Variants in DLG2 observed in about 807,000 individuals in gnomAD.
The protein encoded by DLG2 is discs large MAGUK scaffold protein 2, also known as disks large homolog 2.
Under a neutral mutation model 132.5 loss-of-function variants are expected in DLG2, and 45 were observed. The ratio of observed to expected loss-of-function variants is 0.34; its 90% CI spans 0.27 to 0.44. The LOEUF is 0.44. Ranked by LOEUF, DLG2 falls within the 20% of genes least tolerant of loss-of-function variation. DLG2 has a pLI of 1.00. For synonymous variants in DLG2, 424 were observed against 419.6 expected (o/e 1.01, Z -0.13); for missense variants, 1,045 against 1,196.9 (o/e 0.87, Z 1.87).
At chr11:84,098,867 T>C in intron 10 of DLG2, 56 bp downstream of exon 10, 1 of 1,580,552 alleles carries the variant, frequency 6.3e-7, no homozygotes, top group Non-Finnish European at 8.6e-7. Context: ...TACAAATGTG[T>C]CTCATTGATG....
intron 9 of DLG2, among the ~76,000 whole-genome samples, chr11:84,145,296 T>C (rs73515774): frequency 0.032 from 4,943 of 152,298 alleles, 235 homozygotes; most frequent in African/African-American, 0.11. Flanking sequence ...ATTTCATCAT[T>C]ATGTGAACAC....
intron 6 of DLG2, among the ~76,000 whole-genome samples, chr11:84,611,641 G>C (rs911879818): frequency 6.6e-6 from 1 of 152,048 alleles, no homozygotes; most frequent in Non-Finnish European, 1.5e-5. Flanking sequence ...TTTTTAAATA[G>C]CTGGTAAGTC....
intron 6 of DLG2, among the ~76,000 whole-genome samples, chr11:84,551,188 T>G (rs1422200732): frequency 6.6e-6 from 1 of 152,220 alleles, no homozygotes; most frequent in Non-Finnish European, 1.5e-5. Context: ...TTAATAAAAA[T>G]ATTAATGTTT....
chr11:85,473,360 G>C (rs1302184074), intron 3 of DLG2, among the ~76,000 whole-genome samples: 1 of 152,176 alleles, frequency 6.6e-6, no homozygotes, highest in African/African-American at 2.4e-5. Flanking sequence ...ATCAGTTCTG[G>C]ACTTTTGCCC....
chr11:84,923,059 C>A, intron 6 of DLG2: 1 of 1,613,842 alleles, frequency 6.2e-7, no homozygotes, highest in Non-Finnish European at 8.5e-7. Context: ...GCCCAGTTGC[C>A]GGCTCGCCTC....
intron 2 of DLG2, among the ~76,000 whole-genome samples, chr11:85,621,200 T>C (rs749192468): frequency 5.3e-5 from 8 of 149,814 alleles, no homozygotes; most frequent in Admixed American, 2.0e-4. Context: ...AAGCTCACTG[T>C]TGAGAACTAC....
chr11:84,053,798 C>A (rs1296117780), intron 11 of DLG2, among the ~76,000 whole-genome samples: 1 of 151,900 alleles, frequency 6.6e-6, no homozygotes, highest in East Asian at 1.9e-4. Context: ...TATAAGTGTT[C>A]ATTGGTATAG....
intron 7 of DLG2, among the ~76,000 whole-genome samples, chr11:84,306,609 A>G (rs2098221804): frequency 6.6e-6 from 1 of 152,244 alleles, no homozygotes; most frequent in Non-Finnish European, 1.5e-5. Flanking sequence ...TTAGATAATA[A>G]TAAACTTTTT....
chr11:84,528,376 C>T (rs957226502), intron 7 of DLG2, among the ~76,000 whole-genome samples: 3 of 152,192 alleles, frequency 2.0e-5, no homozygotes, highest in African/African-American at 4.8e-5. Flanking sequence ...AAAGCCCATC[C>T]TATCACTTAG....
At chr11:84,932,036 A>G (rs927401679) in intron 6 of DLG2, among the ~76,000 whole-genome samples, 16 of 152,080 alleles carry the variant, frequency 1.1e-4, no homozygotes, top group African/African-American at 3.9e-4. Flanking sequence ...TTGAATGAAT[A>G]CTTTGCAAAA....
intron 9 of DLG2, among the ~76,000 whole-genome samples, chr11:84,106,416 C>T (rs1158572657): frequency 6.6e-6 from 1 of 152,146 alleles, no homozygotes; most frequent in Non-Finnish European, 1.5e-5. Flanking sequence ...GCAGACATTT[C>T]TAACTACCAT....
rs1347177238 is a variant in DLG2, at chr11:84,830,324, T to C, written c.357+281337A>G. 2.7e-5 allele frequency among the ~76,000 whole-genome samples: 4 copies of C among 150,896 alleles called. No homozygotes were observed. The East Asian group carries it at 5.9e-4, about 22-fold the overall frequency. ...TAGGGGGTCTCTACCTTTTAAACAG[T>C]ATAGCTCTCTGTCTAAATGAAATTT... On this transcript the variant is annotated intron_variant, in intron 6 of 27. Transcript: ENST00000376104.
In DLG2 at chr11:83,734,749, C is replaced by G. The variant is rs114370479; in HGVS notation, c.1825+51941G>C. 2.4e-3 allele frequency among the ~76,000 whole-genome samples: 362 copies of G among 152,140 alleles called. 4 individuals carry two copies. The highest frequency in any genetic ancestry group is 8.2e-3 in the African/African-American group (341 of 41,488). ...TATAGGCATAAGCCACTGTACCCAG[C>G]CCATAGTTTTCTTTAAAAAATAAAA... On this transcript the variant is annotated intron_variant, in intron 18 of 27. Coordinates refer to ENST00000376104, the MANE Select transcript of DLG2 (RefSeq NM_001142699.3).
intron 6 of DLG2, among the ~76,000 whole-genome samples, chr11:84,790,714 C>A (rs1467744458): frequency 2.6e-5 from 4 of 152,154 alleles, no homozygotes; most frequent in Non-Finnish European, 5.9e-5. Flanking sequence ...GTTGCAAAGA[C>A]TGAGGTCTTA....
chr11:83,983,679 T>G (rs34413586), intron 11 of DLG2, among the ~76,000 whole-genome samples: 3,364 of 152,126 alleles, frequency 0.022, 68 homozygotes, highest in Middle Eastern at 0.034. Flanking sequence ...CTAATTTCCT[T>G]GTGATGTGAG....
At chr11:84,539,713 G>A (rs2154521889) in intron 6 of DLG2, among the ~76,000 whole-genome samples, 1 of 152,238 alleles carries the variant, frequency 6.6e-6, no homozygotes, top group East Asian at 1.9e-4. Context: ...GTACGTTAAA[G>A]TTCATTTGGA....
chr11:84,651,433 T>C (rs1297840777), intron 6 of DLG2, among the ~76,000 whole-genome samples: 1 of 152,180 alleles, frequency 6.6e-6, no homozygotes, highest in African/African-American at 2.4e-5. Flanking sequence ...CATACTAAGA[T>C]GTTCAGATCC....
chr11:85,274,202 A>G, intron 4 of DLG2, among the ~76,000 whole-genome samples: 1 of 152,210 alleles, frequency 6.6e-6, no homozygotes, highest in Admixed American at 6.5e-5. Flanking sequence ...ATGTATACAT[A>G]TGTAACAAAC....
chr11:83,602,294 A>C (rs544628482), intron 19 of DLG2, among the ~76,000 whole-genome samples: 1 of 152,378 alleles, frequency 6.6e-6, no homozygotes, highest in African/African-American at 2.4e-5. Flanking sequence ...GTGCTCTGAC[A>C]CAACACTTTG....
Sources: allele counts gnomAD v4.1 joint callset (sites outside exome capture counted in the v4.1 genomes callset), GRCh38; gene constraint gnomAD v4.1.1; transcripts MANE v1.5; gene names NCBI Gene and HGNC (gene_info 2026-07-23, HGNC 2026-07-21).